The following EYA2 variants were observed in gnomAD, a reference collection of about 807,000 sequenced individuals.
EYA2 encodes EYA transcriptional coactivator and phosphatase 2, also known as protein phosphatase EYA2.
Under a neutral mutation model 69.2 loss-of-function variants are expected in EYA2, and 31 were observed. That is an observed-to-expected ratio of 0.45 (90% CI 0.34 to 0.60). The LOEUF (loss-of-function observed/expected upper bound fraction) is 0.60, where lower values mean the gene tolerates loss of function less well. Among genes scored for constraint, EYA2 ranks in the 20% least tolerant of loss-of-function variants. The pLI is 0.02. For missense variants in EYA2, 622 were observed against 701.2 expected, an observed-to-expected ratio of 0.89 and a Z score of 1.28; for synonymous variants, 257 against 279.4, an observed-to-expected ratio of 0.92 and a Z score of 0.80.
At chr20:46,897,149 G>A (rs1983853568) in intron 1 of EYA2, among the ~76,000 whole-genome samples, 1 of 152,124 alleles carries the variant, frequency 6.6e-6, no homozygotes, top group Admixed American at 6.5e-5. Context: ...CCCAAGACAC[G>A]CTGTTTCAAA....
chr20:47,009,247 G>A (rs1982915306), intron 4 of EYA2, among the ~76,000 whole-genome samples: 1 of 152,192 alleles, frequency 6.6e-6, no homozygotes, highest in Non-Finnish European at 1.5e-5. Flanking sequence ...ATAACAGGTG[G>A]ATGAAAAGCC....
chr20:46,933,236 T>C (rs1985749985), intron 1 of EYA2, among the ~76,000 whole-genome samples: 1 of 152,178 alleles, frequency 6.6e-6, no homozygotes, highest in Non-Finnish European at 1.5e-5. Context: ...GGTGCTTGGC[T>C]CCCTGCTGAG....
rs1412162685 is a variant in EYA2, at chr20:47,074,330, T to TTGC, written c.659_661dup (p.Ala220dup). Reference sequence around the variant, plus strand: ...GTCCCCAACCAGAGTTCCGAGTCACTTGCTGGTAGGTGCAGTCACTGGTGG... The same window carrying TTGC: ...GTCCCCAACCAGAGTTCCGAGTCACTTGCTGCTGGTAGGTGCAGTCACTGGTGG... On this transcript the variant is annotated inframe_insertion, in exon 7 of 16. Transcript: ENST00000327619. The TTGC allele has an allele frequency of 1.2e-6, 2 of 1,613,768 alleles. No individual in the cohort carries two copies. Among genetic ancestry groups the TTGC allele is most frequent in the Non-Finnish European group, 1.7e-6 (2 of 1,179,864 alleles).
chr20:46,895,532 C>G (rs757412058), intron 1 of EYA2, among the ~76,000 whole-genome samples: 1 of 152,230 alleles, frequency 6.6e-6, no homozygotes, highest in African/African-American at 2.4e-5. Context: ...GCTCGGCCCG[C>G]TCTGGTTCAG....
chr20:46,905,500 A>AT (rs1353507539), intron 1 of EYA2, among the ~76,000 whole-genome samples: 4 of 152,156 alleles, frequency 2.6e-5, no homozygotes, highest in East Asian at 1.9e-4. Context: ...GAACCAGTAG[A>AT]TTTTTTCTTG....
chr20:46,973,071 C>T (rs546053063), intron 1 of EYA2, among the ~76,000 whole-genome samples: 1 of 152,182 alleles, frequency 6.6e-6, no homozygotes, highest in Admixed American at 6.5e-5. Context: ...ACACAAGGGC[C>T]CTCGTGGTGT....
chr20:47,057,143 A>AGGG (rs2146446205), intron 5 of EYA2, among the ~76,000 whole-genome samples: 1 of 78,622 alleles, frequency 1.3e-5, no homozygotes, highest in African/African-American at 6.9e-5. Context: ...AGGAGGGAGG[A>AGGG]AGGAAGGAAG....
intron 1 of EYA2, among the ~76,000 whole-genome samples, chr20:46,955,138 A>AT (rs34188905): frequency 0.22 from 30,463 of 139,380 alleles, 4,074 homozygotes; most frequent in South Asian, 0.33. Flanking sequence ...TCATGCAGTC[A>AT]TTTTTTTTTT....
chr20:47,147,796 C>T (rs2033733242), intron 10 of EYA2, among the ~76,000 whole-genome samples: 1 of 152,266 alleles, frequency 6.6e-6, no homozygotes, highest in South Asian at 2.1e-4. Flanking sequence ...CGGTGGCTCA[C>T]GCCTGTAGTC....
rs929662320 is a variant in EYA2, at chr20:47,147,856, C to T, written c.978+4708C>T. Among the ~76,000 whole-genome samples, 10 of 152,164 alleles carry T rather than the reference C, an allele frequency of 6.6e-5. No individual in the cohort carries two copies. The South Asian group carries it at 8.3e-4, about 13-fold the overall frequency. On this transcript the variant is annotated intron_variant, in intron 10 of 15. Transcript: ENST00000327619. ...GGTGGATCACTTGAGGTCAGGAGTT[C>T]AAGACCAGCCTGGCCAACATGGTGA...
intron 7 of EYA2, among the ~76,000 whole-genome samples, chr20:47,086,674 G>GCC (rs2031903317): frequency 1.3e-5 from 2 of 152,076 alleles, no homozygotes; most frequent in South Asian, 4.2e-4. Context: ...CTCCTACCAG[G>GCC]CCCCGCCTCT....
Position 47,052,898 on chromosome 20 carries a change from T to G in EYA2, c.416-19287T>G, listed in dbSNP as rs190442086. ...CTCAGCCTCCCAAACGGGCTTCTAT[T>G]TCTTTTATCCACATTCACAGTATAA... On this transcript the variant is annotated intron_variant, in intron 5 of 15. Transcript: ENST00000327619. Among the ~76,000 whole-genome samples the G allele has an allele frequency of 5.3e-5, 8 of 152,314 alleles. No individual in the cohort carries two copies. In the East Asian group the frequency reaches 1.4e-3, roughly 26 times the overall value.
chr20:46,957,640 C>A (rs1396673395), intron 1 of EYA2, among the ~76,000 whole-genome samples: 1 of 151,922 alleles, frequency 6.6e-6, no homozygotes, highest in Non-Finnish European at 1.5e-5. Context: ...TGGAGTGATG[C>A]AGCCACAAAT....
intron 2 of EYA2, among the ~76,000 whole-genome samples, chr20:46,990,919 G>A (rs1981618346): frequency 6.6e-6 from 1 of 152,132 alleles, no homozygotes; most frequent in Non-Finnish European, 1.5e-5. Flanking sequence ...AACATCACAA[G>A]GAATTGGCTT....
At chr20:47,078,329 G>GCACA (rs11472681) in intron 7 of EYA2, among the ~76,000 whole-genome samples, 27,808 of 115,536 alleles carry the variant, frequency 0.24, 2,978 homozygotes, top group Non-Finnish European at 0.34. Flanking sequence ...GCGCGCGCGC[G>GCACA]CGCACACACA....
intron 4 of EYA2, among the ~76,000 whole-genome samples, chr20:47,014,329 A>G (rs922040276): frequency 6.6e-6 from 1 of 152,186 alleles, no homozygotes; most frequent in African/African-American, 2.4e-5. Context: ...AAGAAGGAGG[A>G]AATTTCAATA....
chr20:47,063,392 C>CGTGTGCGTGTGTGTGTGT (rs1430441053), intron 5 of EYA2, among the ~76,000 whole-genome samples: 7 of 143,372 alleles, frequency 4.9e-5, no homozygotes, highest in African/African-American at 1.3e-4. Context: ...TGTGCGTGTG[C>CGTGTGCGTGTGTGTGTGT]GTGTGTGTGT....
intron 8 of EYA2, among the ~76,000 whole-genome samples, chr20:47,093,583 A>G (rs2032152913): frequency 1.3e-5 from 2 of 151,994 alleles, no homozygotes; most frequent in South Asian, 4.2e-4. Context: ...CACCAGCGCA[A>G]GCTGTGCTGT....
At chr20:47,007,079 G>A (rs6018230) in intron 4 of EYA2, among the ~76,000 whole-genome samples, 2,372 of 152,052 alleles carry the variant, frequency 0.016, 42 homozygotes, top group African/African-American at 0.044. Flanking sequence ...ACAGGCATAC[G>A]CTACTGCGCC....
Sources: allele counts gnomAD v4.1 joint callset (sites outside exome capture counted in the v4.1 genomes callset), GRCh38; gene constraint gnomAD v4.1.1; transcripts MANE v1.5; gene names NCBI Gene and HGNC (gene_info 2026-07-23, HGNC 2026-07-21).